MATN4: variants seen among roughly 807,000 people sequenced by gnomAD.
MATN4 encodes the protein matrilin 4.
Under a neutral mutation model 54.6 loss-of-function variants are expected in MATN4, and 40 were observed. That is an observed-to-expected ratio of 0.73 (90% CI 0.57 to 0.95). The LOEUF is 0.95. Among genes scored for constraint, MATN4 ranks in the 40% least tolerant of loss-of-function variants. MATN4 has a pLI of 0.00. For synonymous variants in MATN4, 351 were observed against 345.3 expected (o/e 1.02, Z -0.18); for missense variants, 810 against 819.1 (o/e 0.99, Z 0.13).
chr20:45,300,664 A>C (rs1194355693), intron 6 of MATN4, among the ~76,000 whole-genome samples: 2 of 152,108 alleles, frequency 1.3e-5, no homozygotes, highest in Admixed American at 6.5e-5. Flanking sequence ...ACAAAGGAGG[A>C]ATGTGATCAA....
intron 1 of MATN4, chr20:45,306,730 C>T: frequency 2.4e-6 from 1 of 422,280 alleles, no homozygotes. Context: ...GCGTGGGAAG[C>T]CCACATCTGC....
rs751599235 is a variant in MATN4 at position 45,298,141 on chromosome 20, C to T, written c.1426+29G>A. 6.2e-7 allele frequency: 1 copy of T among 1,600,348 alleles called. No individual in the cohort carries two copies. ...TGCCTCCCAGCGTCTGACCCAACCC[C>T]AGCCCACTGTGTCCCATGCCAAGCC... On this transcript the variant is annotated intron_variant, in intron 7 of 9. Coordinates refer to ENST00000372756, the MANE Select transcript of MATN4 (RefSeq NM_001393530.1). This position sits in a 1 kb window ranked among gnomAD's most constrained non-coding sequence, Gnocchi z 4.6.
intron 6 of MATN4, among the ~76,000 whole-genome samples, chr20:45,299,753 C>CTGT (rs1986092995): frequency 6.6e-6 from 1 of 151,690 alleles, no homozygotes; most frequent in Non-Finnish European, 1.5e-5. Context: ...TGGGGCACAC[C>CTGT]TGTAGTCTCA....
chr20:45,301,863 GA>G (rs11479809), intron 3 of MATN4, among the ~76,000 whole-genome samples: 40,487 of 128,994 alleles, frequency 0.31, 5,650 homozygotes, highest in Admixed American at 0.39. Context: ...AGAGAGGAAA[GA>G]AAAAAAAAAA....
chr20:45,295,011 T>C (rs1264795693), intron 8 of MATN4, among the ~76,000 whole-genome samples: 1 of 152,208 alleles, frequency 6.6e-6, no homozygotes, highest in African/African-American at 2.4e-5. Context: ...CACCCACGGA[T>C]GGCACCATCT....
chr20:45,306,804 TG>T, intron 1 of MATN4: 1 of 799,300 alleles, frequency 1.3e-6, no homozygotes, highest in Non-Finnish European at 1.7e-6. Flanking sequence ...AGATAAGGCC[TG>T]GACAGGATAT....
At position 45,293,838 on chromosome 20, in the gene MATN4, G is replaced by A. The variant is rs766829382; in HGVS notation, c.1688-13C>T. On this transcript the variant is annotated splice_polypyrimidine_tract_variant and intron_variant, in intron 9 of 9. Coordinates refer to ENST00000372756, the MANE Select transcript of MATN4 (RefSeq NM_001393530.1). Reference sequence around the variant, plus strand: ...GTCAGCTGGGCCAGTGAGCGGTTAAGGAGGCCGTTGGGGTTCGCCGAGGTC... The same window carrying A: ...GTCAGCTGGGCCAGTGAGCGGTTAAAGAGGCCGTTGGGGTTCGCCGAGGTC... 4 of 1,611,024 alleles carry A rather than the reference G, an allele frequency of 2.5e-6. No homozygotes were observed. The East Asian group carries it at 6.7e-5, about 27-fold the overall frequency.
chr20:45,307,981 A>G (rs1986883013), intron 1 of MATN4, among the ~76,000 whole-genome samples, 194 bp downstream of exon 1: 1 of 152,152 alleles, frequency 6.6e-6, no homozygotes, highest in African/African-American at 2.4e-5. Flanking sequence ...ATGAGAGTAG[A>G]AAAGGGATGA....
chr20:45,308,363 G>A, upstream of MATN4: 1 of 604,210 alleles, frequency 1.7e-6, no homozygotes. Context: ...GGAAGTGCAG[G>A]CTGCAACCCC....
intron 1 of MATN4, among the ~76,000 whole-genome samples, 189 bp from the exon 2 acceptor site, chr20:45,305,805 CTT>C (rs758735302): frequency 3.1e-5 from 2 of 64,676 alleles, no homozygotes; most frequent in Admixed American, 2.3e-4. Context: ...ACAAGAGATT[CTT>C]TTTTTTTTTT....
rs763614605 is a variant in MATN4 at position 45,298,583 on chromosome 20, C to T, written c.1013G>A (p.Arg338Gln). The change falls in exon 7 of 10, where the codon CGG (arginine) becomes CAG (glutamine). Residue 338 changes from arginine to glutamine, a missense_variant and splice_region_variant. Transcript: ENST00000372756. This position sits in a 1 kb window ranked among gnomAD's most constrained non-coding sequence, Gnocchi z 4.6. ...AAGGTCCACGTGGCCTTCCCGGCAC[C>T]CTGCACAGCCAGAAAAGCTTGAATT... is the stretch of plus-strand genomic sequence containing the variant. ...QLQADGKSCNRCREGHVDLVL... is the reference protein window; with the variant it reads ...QLQADGKSCNQCREGHVDLVL... The T allele has an allele frequency of 2.6e-6, 4 of 1,532,154 alleles. No individual in the cohort carries two copies. Among genetic ancestry groups the T allele is most frequent in the Non-Finnish European group, 2.6e-6 (3 of 1,137,158 alleles). The allele number at this position is 1,532,154 out of a possible 1,614,324, so 94.9% of individuals were successfully genotyped here. A position where few individuals can be genotyped will look rare whatever the true frequency, so the allele number is the denominator to read the frequency against.
chr20:45,304,331 G>T lies in MATN4; in HGVS notation c.540C>A (p.Ser180=). 6.6e-7 allele frequency: 1 copy of T among 1,516,456 alleles called. No individual in the cohort carries two copies. The highest frequency in any genetic ancestry group is 2.4e-5 in the East Asian group (1 of 42,082). 93.9% of individuals were successfully genotyped at this position (1,516,456 alleles called of 1,614,324 possible). The change falls in exon 3 of 10, where the codon TCC becomes TCA. Residue 180 remains serine (S), a synonymous_variant. Coordinates refer to ENST00000372756, the MANE Select transcript of MATN4 (RefSeq NM_001393530.1). ...AVGVQRADVG[S]LRAMASPPLD... ...GCGGGGGCGATGCCATGGCGCGCAG[G>T]GAGCCCACGTCCGCGCGCTGCACCC...
chr20:45,303,370 G>A, intron 3 of MATN4: 1 of 710,246 alleles, frequency 1.4e-6, no homozygotes, highest in South Asian at 1.5e-5. Context: ...TGAGATTGCA[G>A]GACAGGGATA....
intron 8 of MATN4, among the ~76,000 whole-genome samples, chr20:45,295,570 G>T (rs111862377): frequency 1.3e-5 from 2 of 152,196 alleles, no homozygotes; most frequent in South Asian, 2.1e-4. Context: ...TGTATTTTTA[G>T]TAGAGACGGG....
chr20:45,305,413 C>G, intron 2 of MATN4, 97 bp downstream of exon 2: 1 of 917,176 alleles, frequency 1.1e-6, no homozygotes, highest in Admixed American at 2.3e-5. Flanking sequence ...GTTCCAAAGC[C>G]CTTGCTTCCC....
chr20:45,304,267 T>C lies in MATN4; in HGVS notation c.604A>G (p.Ile202Val). 6.5e-7 allele frequency: 1 copy of C among 1,547,898 alleles called. No individual in the cohort carries two copies. The highest frequency in any genetic ancestry group is 1.2e-5 in the South Asian group (1 of 82,098). Residue 202 changes from isoleucine (I) to valine (V), a missense_variant, in exon 3 of 10, where the codon ATC (isoleucine) becomes GTC (valine). Transcript: ENST00000372756. ...TGGAACTGCAGGCCGAACTCCTGGA[T>C]GAGGTCGAAGGACTCTACGAGGAAG... ...HVFLVESFDL[I>V]QEFGLQFQSR...
chr20:45,303,103 AAGAG>A (rs1179503371), intron 3 of MATN4, among the ~76,000 whole-genome samples: 2 of 87,436 alleles, frequency 2.3e-5, no homozygotes, highest in Non-Finnish European at 4.9e-5. Context: ...AAAAAAAAAA[AAGAG>A]AGAGAGAAAA....
chr20:45,296,470 TA>T (rs893004901), intron 8 of MATN4, among the ~76,000 whole-genome samples: 4 of 152,168 alleles, frequency 2.6e-5, no homozygotes, highest in African/African-American at 9.7e-5. Context: ...TTTGTTTCTC[TA>T]AACAAAGGGT....
At chr20:45,295,904 A>T (rs1985786308) in intron 8 of MATN4, among the ~76,000 whole-genome samples, 1 of 152,078 alleles carries the variant, frequency 6.6e-6, no homozygotes, top group Non-Finnish European at 1.5e-5. Context: ...GAAATTCTAT[A>T]AGCATGTGCC....
Sources: allele counts gnomAD v4.1 joint callset (sites outside exome capture counted in the v4.1 genomes callset), GRCh38; gene constraint gnomAD v4.1.1; non-coding constraint Gnocchi (gnomAD v3.1); transcripts MANE v1.5; gene names NCBI Gene and HGNC (gene_info 2026-07-23, HGNC 2026-07-21).